The following STK32A variants were observed in gnomAD, a reference collection of about 807,000 sequenced individuals.
The protein encoded by STK32A is serine/threonine-protein kinase 32A.
Under a neutral mutation model 53.2 loss-of-function variants are expected in STK32A, and 41 were observed. The observed-to-expected ratio is 0.77, with a 90% confidence interval of 0.60 to 1.00. The LOEUF (loss-of-function observed/expected upper bound fraction) is 1.00. Among genes scored for constraint, STK32A ranks in the 50% least tolerant of loss-of-function variants. The probability of loss-of-function intolerance (pLI) is 0.00; values close to 1 mark genes in which losing one functional copy is unlikely to be tolerated. For missense variants in STK32A, 458 were observed against 485.8 expected (o/e 0.94, Z 0.54); for synonymous variants, 166 against 162.8 (o/e 1.02, Z -0.15).
At chr5:147,246,230 C>G (rs1753763370) in intron 2 of STK32A, among the ~76,000 whole-genome samples, 1 of 152,118 alleles carries the variant, frequency 6.6e-6, no homozygotes, top group South Asian at 2.1e-4. Context: ...CATAAATAAC[C>G]TCAAGTCCAA....
chr5:147,239,673 T>G lies in STK32A; in HGVS notation c.39T>G (p.Asp13Glu). Residue 13 changes from aspartate to glutamate, a missense_variant, in exon 2 of 13, where the codon GAT becomes GAG. Physicochemically the swap from Asp to Glu is conservative, Grantham distance 45. Transcript: ENST00000397936. The stretch of plus-strand genomic sequence containing the variant: ...CTTCAAGAAAACCACCAGTGTTTGA[T>G]GAAAATGAAGATGGTAAGAAATATG... The part of the protein sequence containing the change: ...ANTSRKPPVF[D>E]ENEDVNFDHF... 1 of 1,608,310 alleles carries G rather than the reference T, an allele frequency of 6.2e-7. No homozygotes were observed. The highest frequency in any genetic ancestry group is 8.5e-7 in the Non-Finnish European group (1 of 1,177,312).
intron 11 of STK32A, chr5:147,375,490 A>C (rs1006121775): frequency 1.7e-5 from 5 of 288,782 alleles, no homozygotes; most frequent in Non-Finnish European, 3.2e-5. Context: ...AAAATTTACA[A>C]ATTTCCTGGG....
chr5:147,394,075 G>A, the STK32A span: 11 of 1,614,038 alleles, frequency 6.8e-6, no homozygotes, highest in South Asian at 4.4e-5. Flanking sequence ...GCCTGGGGGC[G>A]CCACGATGCG....
At chr5:147,303,413 G>A (rs1753237986) in intron 4 of STK32A, among the ~76,000 whole-genome samples, 1 of 152,152 alleles carries the variant, frequency 6.6e-6, no homozygotes, top group Admixed American at 6.5e-5. Flanking sequence ...ACGTGCGGGT[G>A]GAAGGGTTCC....
At chr5:147,378,384 C>T (rs565734141) in intron 11 of STK32A, among the ~76,000 whole-genome samples, 206 of 152,202 alleles carry the variant, frequency 1.4e-3, no homozygotes, top group Non-Finnish European at 2.6e-3. Flanking sequence ...AATAAAATGA[C>T]AGGTGGTTTC....
chr5:147,384,631 G>A lies in STK32A; in HGVS notation c.*648G>A. 2.3e-6 allele frequency: 1 copy of A among 441,752 alleles called. No individual in the cohort carries two copies. The highest frequency in any genetic ancestry group is 4.0e-6 in the Non-Finnish European group (1 of 251,672). 27.4% of individuals were successfully genotyped at this position (441,752 alleles called of 1,614,324 possible). A position where few individuals can be genotyped will look rare whatever the true frequency, so the allele number is the denominator to read the frequency against. On this transcript the variant is annotated 3_prime_UTR_variant, in exon 13 of 13. Coordinates refer to ENST00000397936, the MANE Select transcript of STK32A (RefSeq NM_001112724.2). ...ACTTCCCAGCTCCCTCTTCAACAAT[G>A]TGAAAGTGGTAACTTGAAATTGGTA...
intron 4 of STK32A, among the ~76,000 whole-genome samples, chr5:147,291,760 A>G (rs1752610965): frequency 6.6e-6 from 1 of 152,196 alleles, no homozygotes; most frequent in Non-Finnish European, 1.5e-5. Flanking sequence ...CAGGTGTGCT[A>G]TAATTTTCTT....
At chr5:147,248,586 C>A (rs755911916) in intron 2 of STK32A, among the ~76,000 whole-genome samples, 1 of 152,044 alleles carries the variant, frequency 6.6e-6, no homozygotes, top group Admixed American at 6.5e-5. Flanking sequence ...GATGTTGATC[C>A]CCCCATCCTG....
intron 2 of STK32A, among the ~76,000 whole-genome samples, chr5:147,241,197 G>A (rs1233883972): frequency 6.6e-6 from 1 of 152,166 alleles, no homozygotes; most frequent in Non-Finnish European, 1.5e-5. Context: ...ACAACATATG[G>A]GCCAGGCGCG....
intron 4 of STK32A, among the ~76,000 whole-genome samples, chr5:147,309,657 A>G (rs956113170): frequency 6.6e-6 from 1 of 152,216 alleles, no homozygotes; most frequent in Non-Finnish European, 1.5e-5. Context: ...AAACTTAAAG[A>G]ATCGTATATA....
At chr5:147,355,216 T>C (rs1377733079) in intron 7 of STK32A, among the ~76,000 whole-genome samples, 1 of 152,204 alleles carries the variant, frequency 6.6e-6, no homozygotes, top group Non-Finnish European at 1.5e-5. Context: ...CTGTAAATAA[T>C]AAGACAGTAT....
intron 4 of STK32A, among the ~76,000 whole-genome samples, chr5:147,320,369 T>G (rs1434389944): frequency 6.6e-6 from 1 of 152,208 alleles, no homozygotes; most frequent in Non-Finnish European, 1.5e-5. Flanking sequence ...TGCTAATTTC[T>G]ACACATAGAA....
chr5:147,367,071 G>GT (rs879347437), intron 8 of STK32A, among the ~76,000 whole-genome samples: 188 of 148,240 alleles, frequency 1.3e-3, no homozygotes, highest in Admixed American at 3.4e-3. Flanking sequence ...GTATTTAACT[G>GT]TTTTTTTTTT....
intron 5 of STK32A, among the ~76,000 whole-genome samples, chr5:147,338,168 T>C (rs1755230408): frequency 6.6e-6 from 1 of 152,202 alleles, no homozygotes; most frequent in African/African-American, 2.4e-5. Context: ...CCATTTGTCA[T>C]AGGAAGAATG....
the STK32A span, among the ~76,000 whole-genome samples, chr5:147,394,682 C>CA: frequency 0.049 from 7,084 of 144,638 alleles, 506 homozygotes; most frequent in African/African-American, 0.16. Flanking sequence ...ACAACAACAA[C>CA]AAAAAAAAAA....
chr5:147,355,788 G>GTATATA (rs1354487817), intron 7 of STK32A, among the ~76,000 whole-genome samples: 14 of 137,586 alleles, frequency 1.0e-4, no homozygotes, highest in African/African-American at 3.7e-4. Flanking sequence ...GTGAGTGTGT[G>GTATATA]TGTGTATATA....
chr5:147,279,188 C>T, intron 3 of STK32A, 59 bp from the exon 4 acceptor site: 1 of 1,518,980 alleles, frequency 6.6e-7, no homozygotes, highest in Middle Eastern at 1.9e-4. Context: ...TGTTCTGTCT[C>T]TCATCACCAT....
At chr5:147,264,255 G>T (rs754549559) in intron 2 of STK32A, among the ~76,000 whole-genome samples, 2 of 152,142 alleles carry the variant, frequency 1.3e-5, no homozygotes, top group African/African-American at 2.4e-5. Flanking sequence ...TCCTTAAAGA[G>T]GCATGAAGGA....
chr5:147,245,872 G>A (rs1753751794), intron 2 of STK32A, among the ~76,000 whole-genome samples: 1 of 152,136 alleles, frequency 6.6e-6, no homozygotes, highest in Non-Finnish European at 1.5e-5. Context: ...CAGTTTTCCA[G>A]CATCTTCAGT....
Sources: allele counts gnomAD v4.1 joint callset (sites outside exome capture counted in the v4.1 genomes callset), GRCh38; gene constraint gnomAD v4.1.1; transcripts MANE v1.5; gene names NCBI Gene and HGNC (gene_info 2026-07-23, HGNC 2026-07-21).